Variants in MTFR2 observed in about 807,000 individuals in gnomAD.
MTFR2 encodes mitochondrial fission regulator 2.
In MTFR2, 44 loss-of-function variants were observed where a neutral mutation model predicts 41.2. That is an observed-to-expected ratio of 1.07 (90% CI 0.84 to 1.37). The LOEUF (loss-of-function observed/expected upper bound fraction) is 1.37, where lower values mean the gene tolerates loss of function less well. Ranked by LOEUF, MTFR2 falls within the 40% of genes most tolerant of loss-of-function variation. The probability of loss-of-function intolerance (pLI) is 0.00; values close to 1 mark genes in which losing one functional copy is unlikely to be tolerated. For synonymous variants in MTFR2, 141 were observed against 154.6 expected (o/e 0.91, Z 0.65); for missense variants, 452 against 459.5 (o/e 0.98, Z 0.15).
intron 1 of MTFR2, among the ~76,000 whole-genome samples, chr6:136,249,545 C>G (rs1363259538): frequency 6.6e-6 from 1 of 152,154 alleles, no homozygotes; most frequent in African/African-American, 2.4e-5. Flanking sequence ...CAAGGGACGA[C>G]TCAGTTTTTA....
rs1039338210 is a variant in MTFR2 at position 136,250,292 on chromosome 6, T to C, written c.-371A>G. 2 of 152,464 alleles carry C rather than the reference T, an allele frequency of 1.3e-5. No homozygotes were observed. Among genetic ancestry groups the C allele is most frequent in the African/African-American group, 4.8e-5 (2 of 41,420 alleles). The allele number at this position is 152,464 out of a possible 1,614,324, so 9.4% of individuals were successfully genotyped here. Reference sequence around the variant, plus strand: ...CTAGTCCCTAGGACCGGACTGCTACTTCCGCATGACAGGACTGCTACTTCC... The same window carrying C: ...CTAGTCCCTAGGACCGGACTGCTACCTCCGCATGACAGGACTGCTACTTCC... On this transcript the variant is annotated 5_prime_UTR_variant, in exon 1 of 8. Transcript: ENST00000420702.
rs1274419516 is a variant in MTFR2, at chr6:136,233,335, T to C, written c.1034A>G (p.Glu345Gly). ...ATTAGTGTAGCTTACCCTTGAAGTTTCTGGACTAGAAAATGGGGAAGATTC... is the reference window on the plus strand; with the variant it reads ...ATTAGTGTAGCTTACCCTTGAAGTTCCTGGACTAGAAAATGGGGAAGATTC... ...SWESSPFSSPETSRFGHHISQ... is the reference protein window; with the variant it reads ...SWESSPFSSPGTSRFGHHISQ... Residue 345 changes from glutamate (E) to glycine (G), a missense_variant, in exon 7 of 8, where the codon GAA (glutamate) becomes GGA (glycine). By Grantham distance (98) the Glu-to-Gly change is moderately conservative (BLOSUM62 -2). Coordinates refer to ENST00000420702, the MANE Select transcript of MTFR2 (RefSeq NM_001099286.3). 6.2e-7 allele frequency: 1 copy of C among 1,612,440 alleles called. No individual in the cohort carries two copies. The highest frequency in any genetic ancestry group is 2.2e-5 in the East Asian group (1 of 44,766).
Position 136,246,304 on chromosome 6 carries a change from G to A in MTFR2, c.64-1435C>T, listed in dbSNP as rs1780211843. ...TTGCTTTTTGAGGTTTTTTTTTTGAGATGGGGTCTCACTCTGTCACCCAGG... is the reference window on the plus strand; with the variant it reads ...TTGCTTTTTGAGGTTTTTTTTTTGAAATGGGGTCTCACTCTGTCACCCAGG... On this transcript the variant is annotated intron_variant, in intron 2 of 7. Transcript: ENST00000420702. 2.7e-5 allele frequency among the ~76,000 whole-genome samples: 4 copies of A among 150,042 alleles called. No individual in the cohort carries two copies. In the South Asian group the frequency reaches 8.4e-4, roughly 31 times the overall value.
In MTFR2 at chr6:136,240,572, A is replaced by G. The variant is rs1352908352; in HGVS notation, c.515-752T>C. Among the ~76,000 whole-genome samples, 3 of 152,300 alleles carry G rather than the reference A, an allele frequency of 2.0e-5. No homozygotes were observed. In the East Asian group the frequency reaches 5.8e-4, roughly 29 times the overall value. ...ACCTAGATTGCTTTACATTTTATAC[A>G]CGCATACATACATGTTGTGTGTATG... On this transcript the variant is annotated intron_variant, in intron 5 of 7. Coordinates refer to ENST00000420702, the MANE Select transcript of MTFR2 (RefSeq NM_001099286.3).
Position 136,231,126 on chromosome 6 carries a change from T to C in MTFR2, c.*149A>G, listed in dbSNP as rs940206360. The C allele has an allele frequency of 1.7e-6, 1 of 579,844 alleles. No homozygotes were observed. Among genetic ancestry groups the C allele is most frequent in the South Asian group, 2.3e-5 (1 of 44,214 alleles). 35.9% of individuals were successfully genotyped at this position (579,844 alleles called of 1,614,324 possible). ...AGGAAACAAAAATGACAGGCATACATATTTACATAGCAAGTGTAGGCAAAA... is the reference window on the plus strand; with the variant it reads ...AGGAAACAAAAATGACAGGCATACACATTTACATAGCAAGTGTAGGCAAAA... On this transcript the variant is annotated 3_prime_UTR_variant, in exon 8 of 8. Coordinates refer to ENST00000420702, the MANE Select transcript of MTFR2 (RefSeq NM_001099286.3).
Position 136,244,865 on chromosome 6 carries a change from A to G in MTFR2, c.68T>C (p.Leu23Ser), listed in dbSNP as rs1399911182. The G allele has an allele frequency of 6.2e-7, 1 of 1,602,390 alleles. No homozygotes were observed. The highest frequency in any genetic ancestry group is 8.5e-7 in the Non-Finnish European group (1 of 1,172,596). Reference sequence around the variant, plus strand: ...ATAGTCTTTATTTTCCCAAATCAGCAAAACCTATTTTAAACATAAAGTATG... The same window carrying G: ...ATAGTCTTTATTTTCCCAAATCAGCGAAACCTATTTTAAACATAAAGTATG... ...EYFGVPVEQV[L>S]LIWENKDYGS... Residue 23 changes from leucine (L) to serine (S), a missense_variant, in exon 3 of 8, where the codon TTG (leucine) becomes TCG (serine). Leu to Ser is a moderately radical substitution (Grantham distance 145). Transcript: ENST00000420702.
Position 136,233,337 on chromosome 6 carries a change from T to C in MTFR2, c.1032A>G (p.Pro344=), listed in dbSNP as rs1322434801. 2.5e-6 allele frequency: 4 copies of C among 1,612,622 alleles called. No homozygotes were observed. Among genetic ancestry groups the C allele is most frequent in the Non-Finnish European group, 3.4e-6 (4 of 1,179,136 alleles). ...TAGTGTAGCTTACCCTTGAAGTTTC[T>C]GGACTAGAAAATGGGGAAGATTCCC... is the stretch of plus-strand genomic sequence containing the variant. The part of the protein sequence containing the change: ...RSWESSPFSS[P]ETSRFGHHIS... The change falls in exon 7 of 8, where the codon CCA becomes CCG. Residue 344 remains proline, a synonymous_variant. Coordinates refer to ENST00000420702, the MANE Select transcript of MTFR2 (RefSeq NM_001099286.3).
intron 6 of MTFR2, among the ~76,000 whole-genome samples, chr6:136,237,607 C>T (rs972963492): frequency 4.6e-5 from 7 of 152,068 alleles, no homozygotes; most frequent in African/African-American, 1.7e-4. Context: ...GTCAGGAGTT[C>T]ATGACCAGCC....
Position 136,242,912 on chromosome 6 carries a change from G to A in MTFR2, c.230C>T (p.Ala77Val). 1 of 1,613,052 alleles carries A rather than the reference G, an allele frequency of 6.2e-7. No individual in the cohort carries two copies. The highest frequency in any genetic ancestry group is 8.5e-7 in the Non-Finnish European group (1 of 1,179,772). The change falls in exon 4 of 8, where the codon GCT (alanine) becomes GTT (valine). Residue 77 changes from alanine to valine, a missense_variant. By Grantham distance (64) the Ala-to-Val change is moderately conservative. Coordinates refer to ENST00000420702, the MANE Select transcript of MTFR2 (RefSeq NM_001099286.3). ...DNCGSMVPSFADILYVANDEE... is the reference protein window; with the variant it reads ...DNCGSMVPSFVDILYVANDEE... Reference sequence around the variant, plus strand: ...ATCATTTGCCACATACAAAATATCAGCAAAAGATGGAACCATAGATCCACA... The same window carrying A: ...ATCATTTGCCACATACAAAATATCAACAAAAGATGGAACCATAGATCCACA...
At chr6:136,239,365 T>TA in intron 6 of MTFR2, 101 bp downstream of exon 6, 1 of 870,670 alleles carries the variant, frequency 1.1e-6, no homozygotes, top group East Asian at 2.7e-5. Context: ...TGAAGAAGAA[T>TA]AAGAAAAAAG....
chr6:136,233,490 G>T lies in MTFR2; in HGVS notation c.879C>A (p.Gly293=). 3 of 1,495,064 alleles carry T rather than the reference G, an allele frequency of 2.0e-6. No homozygotes were observed. In the East Asian group the frequency reaches 6.9e-5, roughly 35 times the overall value. 92.6% of individuals were successfully genotyped at this position (1,495,064 alleles called of 1,614,324 possible). A position where few individuals can be genotyped will look rare whatever the true frequency, so the allele number is the denominator to read the frequency against. The change falls in exon 7 of 8, where the codon GGC becomes GGA. Residue 293 remains glycine (G), a synonymous_variant. Coordinates refer to ENST00000420702, the MANE Select transcript of MTFR2 (RefSeq NM_001099286.3). ...VKLRAIERSP[G]GRPIHKRKRQ... is the part of the protein sequence containing the mutation. ...TTTTCCTCTTATGAATGGGTCTACC[G>T]CCAGGTGACCTATTTTTTAAAAAAA...
At chr6:136,239,868 C>T (rs766680157) in intron 5 of MTFR2, 48 bp from the exon 6 acceptor site, 64 of 1,442,034 alleles carry the variant, frequency 4.4e-5, no homozygotes, top group East Asian at 1.2e-4. Context: ...TTATCTCTAA[C>T]GTAATATATA....
intron 5 of MTFR2, 92 bp from the exon 6 acceptor site, chr6:136,239,912 A>G: frequency 1.0e-6 from 1 of 983,528 alleles, no homozygotes; most frequent in Non-Finnish European, 1.5e-6. Context: ...AACAGGAGCA[A>G]TTTCTGTAAT....
At chr6:136,235,687 A>T (rs1264611557) in intron 6 of MTFR2, among the ~76,000 whole-genome samples, 2 of 152,166 alleles carry the variant, frequency 1.3e-5, no homozygotes, top group African/African-American at 2.4e-5. Context: ...TAATCCCAGC[A>T]CTTTGGGAGG....
rs773330439 is a variant in MTFR2 at position 136,242,972 on chromosome 6, A to G, written c.170T>C (p.Leu57Ser). The G allele has an allele frequency of 6.3e-7, 1 of 1,591,970 alleles. No individual in the cohort carries two copies. The highest frequency in any genetic ancestry group is 1.4e-5 in the African/African-American group (1 of 73,252). ...GTCTACAGAGTTCAAGAGCGGGATC[A>G]ACTAAAGTAAAAAAAGAAAAAAATA... ...LEPCRRPNFE[L>S]IPLLNSVDSD... The change falls in exon 4 of 8, where the codon TTG (leucine) becomes TCG (serine). Residue 57 changes from leucine to serine, a missense_variant and splice_region_variant. Physicochemically the swap from Leu to Ser is moderately radical, Grantham distance 145. Transcript: ENST00000420702.
chr6:136,231,431 C>CAA (rs112930946), intron 7 of MTFR2, 43 bp from the exon 8 acceptor site: 150 of 983,066 alleles, frequency 1.5e-4, no homozygotes, highest in African/African-American at 8.0e-4. Flanking sequence ...ATTCTAATGT[C>CAA]AAAAAAAAAA....
chr6:136,247,611 C>A (rs923383160), intron 2 of MTFR2: 21 of 441,898 alleles, frequency 4.8e-5, no homozygotes, highest in African/African-American at 4.3e-4. Context: ...AGGCTGATGG[C>A]CTCTCTCAAT....
At chr6:136,240,878 T>A (rs1207867588) in intron 5 of MTFR2, among the ~76,000 whole-genome samples, 1 of 152,024 alleles carries the variant, frequency 6.6e-6, no homozygotes, top group Non-Finnish European at 1.5e-5. Context: ...GATCACGAGG[T>A]CAGGAGATCG....
At chr6:136,243,732 G>A (rs989299639) in intron 3 of MTFR2, among the ~76,000 whole-genome samples, 2 of 145,254 alleles carry the variant, frequency 1.4e-5, no homozygotes, top group Non-Finnish European at 3.0e-5. Flanking sequence ...AAAAAAAAAA[G>A]TTAACTATAC....
Sources: allele counts gnomAD v4.1 joint callset (sites outside exome capture counted in the v4.1 genomes callset), GRCh38; gene constraint gnomAD v4.1.1; transcripts MANE v1.5; gene names NCBI Gene and HGNC (gene_info 2026-07-23, HGNC 2026-07-21).